FAM135A: variants seen among roughly 807,000 people sequenced by gnomAD.
FAM135A encodes family with sequence similarity 135 member A.
FAM135A carries 79 observed loss-of-function variants against 146.8 expected under a neutral mutation model. That is an observed-to-expected ratio of 0.54 (90% CI 0.45 to 0.65). The LOEUF is 0.65. Among genes scored for constraint, FAM135A ranks in the 30% least tolerant of loss-of-function variants. The probability of loss-of-function intolerance (pLI) is 0.00; values close to 1 mark genes in which losing one functional copy is unlikely to be tolerated. For missense variants in FAM135A, 1,623 were observed against 1,758.2 expected (o/e 0.92, Z 1.38); for synonymous variants, 562 against 603.6 (o/e 0.93, Z 1.01).
At chr6:70,530,670 T>C (rs547277825) in intron 16 of FAM135A, among the ~76,000 whole-genome samples, 120 of 152,240 alleles carry the variant, frequency 7.9e-4, no homozygotes, top group Admixed American at 2.8e-3. Context: ...GGAGAATCAC[T>C]TGAACCCAGG....
chr6:70,422,868 C>T (rs1030364106), intron 2 of FAM135A, among the ~76,000 whole-genome samples: 3 of 152,004 alleles, frequency 2.0e-5, no homozygotes, highest in Non-Finnish European at 2.9e-5. Context: ...GTCCTGCCTT[C>T]GTGGAACTTT....
At chr6:70,414,439 A>T (rs146558753) in intron 1 of FAM135A, among the ~76,000 whole-genome samples, 16 of 151,336 alleles carry the variant, frequency 1.1e-4, no homozygotes, top group African/African-American at 3.9e-4. Flanking sequence ...AATGGCCCCT[A>T]TCCTCACGTC....
intron 12 of FAM135A, among the ~76,000 whole-genome samples, chr6:70,519,898 A>G (rs1793163712): frequency 7.0e-6 from 1 of 143,746 alleles, no homozygotes; most frequent in African/African-American, 2.8e-5. Flanking sequence ...ACTTTAGTAT[A>G]GGTATGATAT....
chr6:70,495,146 A>G (rs555191552), intron 11 of FAM135A, among the ~76,000 whole-genome samples: 1 of 152,302 alleles, frequency 6.6e-6, no homozygotes, highest in South Asian at 2.1e-4. Context: ...ATGTCGATGA[A>G]TATTTATTCA....
At chr6:70,536,555 G>A (rs1052060014) in intron 19 of FAM135A, 144 bp downstream of exon 19, 3 of 622,714 alleles carry the variant, frequency 4.8e-6, no homozygotes, top group Middle Eastern at 4.9e-4. Flanking sequence ...TTTCTGTTTT[G>A]TTATGCACAT....
chr6:70,541,769 T>C (rs1797972156), intron 20 of FAM135A, among the ~76,000 whole-genome samples: 2 of 152,194 alleles, frequency 1.3e-5, no homozygotes, highest in African/African-American at 4.8e-5. Flanking sequence ...ATCTAGTGTT[T>C]TCAGACAGTG....
At chr6:70,468,588 C>T (rs1780937922) in intron 5 of FAM135A, among the ~76,000 whole-genome samples, 1 of 152,148 alleles carries the variant, frequency 6.6e-6, no homozygotes, top group Non-Finnish European at 1.5e-5. Context: ...TTGTCTTTGA[C>T]CCAAGAGTCT....
At chr6:70,555,918 CG>C (rs1562037765) in intron 20 of FAM135A, among the ~76,000 whole-genome samples, 1 of 152,036 alleles carries the variant, frequency 6.6e-6, no homozygotes, top group African/African-American at 2.4e-5. Flanking sequence ...TAGTATCATA[CG>C]GTCACACTTG....
At chr6:70,418,963 G>T (rs1479032596) in intron 2 of FAM135A, among the ~76,000 whole-genome samples, 1 of 152,230 alleles carries the variant, frequency 6.6e-6, no homozygotes, top group East Asian at 1.9e-4. Context: ...ATGTTGATTG[G>T]AGTTCTGTGC....
At chr6:70,472,876 T>C (rs907810290) in intron 5 of FAM135A, among the ~76,000 whole-genome samples, 3 of 152,230 alleles carry the variant, frequency 2.0e-5, no homozygotes, top group African/African-American at 7.2e-5. Context: ...TCTTGTTACA[T>C]CCTATTAGGT....
chr6:70,506,945 T>C (rs1196125492), intron 12 of FAM135A, among the ~76,000 whole-genome samples: 1 of 151,970 alleles, frequency 6.6e-6, no homozygotes, highest in Non-Finnish European at 1.5e-5. Flanking sequence ...AGGAAGCTAT[T>C]CTGGGTGGAC....
intron 16 of FAM135A, among the ~76,000 whole-genome samples, chr6:70,532,222 T>C (rs1303910474): frequency 2.0e-5 from 3 of 152,150 alleles, no homozygotes; most frequent in Non-Finnish European, 4.4e-5. Flanking sequence ...TAGATTCTGT[T>C]CAAACATGTT....
At chr6:70,419,788 G>T (rs1219601662) in intron 2 of FAM135A, among the ~76,000 whole-genome samples, 1 of 152,096 alleles carries the variant, frequency 6.6e-6, no homozygotes, top group Non-Finnish European at 1.5e-5. Flanking sequence ...TACATTGAAT[G>T]AACATTTCAA....
chr6:70,554,757 AGTT>A (rs1401559048), intron 20 of FAM135A, among the ~76,000 whole-genome samples: 2 of 151,918 alleles, frequency 1.3e-5, no homozygotes, highest in African/African-American at 4.8e-5. Context: ...CCTCCTGAGT[AGTT>A]AGGATTATAG....
Position 70,556,785 on chromosome 6 carries a change from T to A in FAM135A, c.4264T>A (p.Ser1422Thr), listed in dbSNP as rs1800930056. ...HYFKNVVLVG[S>T]LQDRYVPYHS... Reference sequence around the variant, plus strand: ...TTTCAAAAATGTTGTGCTAGTGGGATCCCTACAGGATCGCTATGTTCCTTA... The same window carrying A: ...TTTCAAAAATGTTGTGCTAGTGGGAACCCTACAGGATCGCTATGTTCCTTA... Residue 1422 changes from serine to threonine, a missense_variant, in exon 21 of 22, where the codon TCC becomes ACC. Physicochemically the swap from Ser to Thr is moderately conservative, Grantham distance 58 (BLOSUM62 1). Around this residue, in one of 7 missense-constraint regions of FAM135A, gnomAD observed 138 missense variants for 174.1 expected, o/e 0.79. Transcript: ENST00000418814. The A allele has an allele frequency of 6.2e-7, 1 of 1,612,946 alleles. No homozygotes were observed. Among genetic ancestry groups the A allele is most frequent in the South Asian group, 1.1e-5 (1 of 90,796 alleles).
At chr6:70,447,546 G>T (rs757981943) in intron 4 of FAM135A, among the ~76,000 whole-genome samples, 1 of 152,206 alleles carries the variant, frequency 6.6e-6, no homozygotes, top group Non-Finnish European at 1.5e-5. Context: ...CACAGCTTTT[G>T]TGCAGCATAA....
In FAM135A at chr6:70,525,980, A is replaced by T; in HGVS notation, c.2896A>T (p.Thr966Ser). The change falls in exon 15 of 22, where the codon ACA (threonine) becomes TCA (serine). Residue 966 changes from threonine (T) to serine (S), a missense_variant. By Grantham distance (58) the Thr-to-Ser change is moderately conservative. Coordinates refer to ENST00000418814, the MANE Select transcript of FAM135A (RefSeq NM_001162529.3). The part of the protein sequence containing the change: ...KSNNSTGTAI[T>S]LNSKLICLGT... ...TAATAACTCTACAGGGACAGCAATT[A>T]CATTAAATTCAAAACTGATTTGTTT... is the stretch of plus-strand genomic sequence containing the variant. 1 of 1,613,228 alleles carries T rather than the reference A, an allele frequency of 6.2e-7. No homozygotes were observed. Among genetic ancestry groups the T allele is most frequent in the East Asian group, 2.2e-5 (1 of 44,858 alleles).
rs143675342 is a variant in FAM135A, at chr6:70,526,328, G to T, written c.3244G>T (p.Asp1082Tyr). The T allele has an allele frequency of 5.8e-5, 94 of 1,613,356 alleles. No homozygotes were observed. Among genetic ancestry groups the T allele is most frequent in the Non-Finnish European group, 7.6e-5 (90 of 1,179,610 alleles). Residue 1082 changes from aspartate to tyrosine, a missense_variant, in exon 15 of 22, where the codon GAT becomes TAT. Asp to Tyr is a radical substitution (Grantham distance 160). Coordinates refer to ENST00000418814, the MANE Select transcript of FAM135A (RefSeq NM_001162529.3). ...KEISNLQQEQ[D>Y]KEDEEEEQDQ... ...AATTAGTAATCTTCAGCAGGAACAG[G>T]ATAAAGAGGATGAGGAGGAAGAGCA...
In FAM135A at chr6:70,538,296, T is replaced by C; in HGVS notation, c.4123T>C (p.Trp1375Arg). The change falls in exon 20 of 22, where the codon TGG becomes CGG. Residue 1375 changes from tryptophan (W) to arginine (R), a missense_variant. Trp to Arg is a moderately radical substitution (Grantham distance 101). Transcript: ENST00000418814. ...TATCATATATGACTCTCTAGGTCTCTGGTTTATGCAGAAATGGAAAAAATC... is the reference window on the plus strand; with the variant it reads ...TATCATATATGACTCTCTAGGTCTCCGGTTTATGCAGAAATGGAAAAAATC... Reference protein sequence around the residue: ...NSSALVNTGLWFMQKWKKSGS... With the variant: ...NSSALVNTGLRFMQKWKKSGS... 1 of 1,497,254 alleles carries C rather than the reference T, an allele frequency of 6.7e-7. No homozygotes were observed. The highest frequency in any genetic ancestry group is 9.0e-7 in the Non-Finnish European group (1 of 1,115,080). 92.7% of individuals were successfully genotyped at this position (1,497,254 alleles called of 1,614,324 possible).
Sources: gnomAD v4.1 joint callset for allele counts (sites outside exome capture counted in the v4.1 genomes callset) on GRCh38, gnomAD v4.1.1 for gene constraint, gnomAD v4.1.1 regional missense constraint, MANE v1.5 for transcripts, NCBI Gene and HGNC (gene_info 2026-07-23, HGNC 2026-07-21) for gene names.